Variants in SMAP1 observed in about 807,000 individuals in gnomAD.
The protein encoded by SMAP1 is stromal membrane-associated protein 1.
SMAP1 carries 24 observed loss-of-function variants against 58.5 expected under a neutral mutation model. The ratio of observed to expected loss-of-function variants is 0.41; its 90% CI spans 0.30 to 0.58. The LOEUF is 0.58. Ranked by LOEUF, SMAP1 falls within the 20% of genes least tolerant of loss-of-function variation. The pLI is 0.29. For missense variants in SMAP1, 563 were observed against 566.3 expected (o/e 0.99, Z 0.06); for synonymous variants, 216 against 196.6 (o/e 1.10, Z -0.82).
chr6:70,755,065 A>G lies in SMAP1; in HGVS notation c.338A>G (p.Gln113Arg), dbSNP rs1218794695. The G allele has an allele frequency of 6.2e-7, 1 of 1,602,654 alleles. No homozygotes were observed. Among genetic ancestry groups the G allele is most frequent in the Non-Finnish European group, 8.5e-7 (1 of 1,172,574 alleles). ...PENFRRPQTDQAVEFFIRDKY... is the reference protein window; with the variant it reads ...PENFRRPQTDRAVEFFIRDKY... The stretch of plus-strand genomic sequence containing the variant: ...AACTTTCGAAGACCACAGACAGATC[A>G]GTATCCTTTAAAACTTATTTGTTTT... Residue 113 changes from glutamine to arginine, a missense_variant and splice_region_variant, in exon 3 of 11, where the codon CAA (glutamine) becomes CGA (arginine). By Grantham distance (43) the Gln-to-Arg change is conservative. This residue lies in a region of SMAP1 where 494 missense variants were observed against 473.8 expected (regional missense o/e 1.04). Transcript: ENST00000370455.
chr6:70,825,018 C>G (rs1770053561), intron 6 of SMAP1, among the ~76,000 whole-genome samples: 1 of 152,174 alleles, frequency 6.6e-6, no homozygotes, highest in Non-Finnish European at 1.5e-5. Context: ...TGTCATAGAG[C>G]TAATATACTT....
intron 6 of SMAP1, among the ~76,000 whole-genome samples, chr6:70,836,352 A>C (rs539623012): frequency 9.9e-5 from 15 of 152,160 alleles, no homozygotes; most frequent in South Asian, 4.2e-4. Flanking sequence ...AATCAACAGC[A>C]CAGGAAAGAC....
chr6:70,826,972 GAAAA>G lies in SMAP1; in HGVS notation c.577-9962_577-9959del, dbSNP rs1215193233. ...AAAAAAAAAAAAAAGAAAAAGAAAA[GAAAA>G]AAAAAACCCCACAGTTCCTGTCAGA... On this transcript the variant is annotated intron_variant, in intron 6 of 10. Transcript: ENST00000370455. 4.6e-3 allele frequency among the ~76,000 whole-genome samples: 520 copies of G among 113,008 alleles called. 2 individuals carry two copies. Among genetic ancestry groups the G allele is most frequent in the Non-Finnish European group, 6.8e-3 (359 of 52,454 alleles). 74.1% of individuals were successfully genotyped at this position (113,008 alleles called of 152,430 possible). A position where few individuals can be genotyped will look rare whatever the true frequency, so the allele number is the denominator to read the frequency against.
intron 6 of SMAP1, among the ~76,000 whole-genome samples, chr6:70,812,540 G>C (rs1031599378): frequency 2.0e-5 from 3 of 152,094 alleles, no homozygotes; most frequent in Admixed American, 6.6e-5. Flanking sequence ...AGTTTTTCTA[G>C]AGTACTGCAT....
intron 1 of SMAP1, among the ~76,000 whole-genome samples, chr6:70,729,903 A>G (rs1421040236): frequency 1.3e-5 from 2 of 152,208 alleles, no homozygotes; most frequent in Non-Finnish European, 2.9e-5. Flanking sequence ...CATGGGCATC[A>G]CTGGGAACTT....
intron 1 of SMAP1, among the ~76,000 whole-genome samples, chr6:70,693,319 T>A (rs957633198): frequency 2.0e-5 from 2 of 102,364 alleles, no homozygotes; most frequent in African/African-American, 7.3e-5. Context: ...TTTTTTTTTT[T>A]TTTAAGACAG....
At chr6:70,828,106 CAG>C (rs1295155420) in intron 6 of SMAP1, among the ~76,000 whole-genome samples, 25 of 151,968 alleles carry the variant, frequency 1.6e-4, no homozygotes, top group Non-Finnish European at 2.8e-4. Flanking sequence ...CAAATACAAA[CAG>C]ATATAGTAAT....
intron 2 of SMAP1, among the ~76,000 whole-genome samples, chr6:70,754,200 T>C (rs1766393925): frequency 6.6e-6 from 1 of 152,136 alleles, no homozygotes; most frequent in African/African-American, 2.4e-5. Context: ...TATTGTAATG[T>C]TCTTAAATCT....
At chr6:70,794,881 C>G (rs574331600) in intron 5 of SMAP1, among the ~76,000 whole-genome samples, 1 of 151,330 alleles carries the variant, frequency 6.6e-6, no homozygotes, top group Non-Finnish European at 1.5e-5. Context: ...CTCTGCCTCC[C>G]GGGTTCACGC....
chr6:70,717,943 A>T (rs1185919658), intron 1 of SMAP1, among the ~76,000 whole-genome samples: 2 of 152,158 alleles, frequency 1.3e-5, no homozygotes, highest in Non-Finnish European at 2.9e-5. Flanking sequence ...GTTCATTGGG[A>T]AAGGAAAAAG....
chr6:70,773,241 G>A, intron 3 of SMAP1, 109 bp from the exon 4 acceptor site: 1 of 641,112 alleles, frequency 1.6e-6, no homozygotes, highest in Non-Finnish European at 2.7e-6. Context: ...AGCACAGATT[G>A]AGGAGTAGGA....
chr6:70,847,575 T>A (rs979500241), intron 7 of SMAP1, among the ~76,000 whole-genome samples: 1 of 152,226 alleles, frequency 6.6e-6, no homozygotes, highest in Non-Finnish European at 1.5e-5. Context: ...TGCATTGTCC[T>A]AATTTCTTCT....
chr6:70,765,719 T>A (rs916276983), intron 3 of SMAP1, among the ~76,000 whole-genome samples: 6 of 151,708 alleles, frequency 4.0e-5, no homozygotes, highest in Non-Finnish European at 8.8e-5. Flanking sequence ...TGTATTCACT[T>A]TTCTTTTTTT....
intron 3 of SMAP1, among the ~76,000 whole-genome samples, chr6:70,755,929 C>T (rs897984753): frequency 1.3e-5 from 2 of 151,960 alleles, no homozygotes; most frequent in Non-Finnish European, 2.9e-5. Flanking sequence ...ACTACTGACA[C>T]TCTGTTGTAG....
intron 6 of SMAP1, among the ~76,000 whole-genome samples, chr6:70,824,930 T>C (rs1770049188): frequency 6.6e-6 from 1 of 152,230 alleles, no homozygotes; most frequent in African/African-American, 2.4e-5. Context: ...CACCATTGCC[T>C]TCTTTCTGCT....
chr6:70,814,318 G>T (rs78782265), intron 6 of SMAP1, among the ~76,000 whole-genome samples: 2 of 152,184 alleles, frequency 1.3e-5, no homozygotes, highest in Non-Finnish European at 2.9e-5. Context: ...ATCAACAATG[G>T]CTTTTATGTA....
At chr6:70,760,611 T>C (rs1486821385) in intron 3 of SMAP1, among the ~76,000 whole-genome samples, 2 of 152,050 alleles carry the variant, frequency 1.3e-5, no homozygotes, top group African/African-American at 2.4e-5. Context: ...TGCCTTTCTC[T>C]CTCCCTCCCT....
intron 2 of SMAP1, among the ~76,000 whole-genome samples, chr6:70,741,051 T>C (rs898238523): frequency 6.6e-6 from 1 of 152,170 alleles, no homozygotes; most frequent in Non-Finnish European, 1.5e-5. Flanking sequence ...ATGGGAATTA[T>C]GGGAGCTACA....
chr6:70,784,134 T>C (rs928328454), intron 4 of SMAP1, among the ~76,000 whole-genome samples: 19 of 151,994 alleles, frequency 1.3e-4, no homozygotes, highest in African/African-American at 4.6e-4. Context: ...CAGAAGAGAG[T>C]GGGGGCCAAT....
Sources: gnomAD v4.1 joint callset for allele counts (sites outside exome capture counted in the v4.1 genomes callset) on GRCh38, gnomAD v4.1.1 for gene constraint, gnomAD v4.1.1 regional missense constraint, MANE v1.5 for transcripts, NCBI Gene and HGNC (gene_info 2026-07-23, HGNC 2026-07-21) for gene names.